Variants in ARHGEF33 observed in about 807,000 individuals in gnomAD.
ARHGEF33 encodes the protein DH and coiled-coil domain-containing protein ENSP00000381780.
ARHGEF33 carries 72 observed loss-of-function variants against 101.9 expected under a neutral mutation model. The ratio of observed to expected loss-of-function variants is 0.71; its 90% confidence interval spans 0.58 to 0.86. ARHGEF33 has a LOEUF of 0.86. Ranked by LOEUF, ARHGEF33 falls within the 40% of genes least tolerant of loss-of-function variation. The pLI, the probability that ARHGEF33 is intolerant of heterozygous loss-of-function variation, is 0.00. For synonymous variants in ARHGEF33, 499 were observed against 442.5 expected, an observed-to-expected ratio of 1.13 and a Z score of -1.60; for missense variants, 1,169 against 1,111.3, an observed-to-expected ratio of 1.05 and a Z score of -0.74.
At chr2:38,915,959 G>A (rs567128266) in intron 2 of ARHGEF33, among the ~76,000 whole-genome samples, 6 of 152,226 alleles carry the variant, frequency 3.9e-5, no homozygotes, top group East Asian at 1.9e-4. Flanking sequence ...CTAAGAGTTC[G>A]AGGTTACATT....
At chr2:38,926,600 C>T (rs1487840499) in intron 4 of ARHGEF33, among the ~76,000 whole-genome samples, 1 of 152,086 alleles carries the variant, frequency 6.6e-6, no homozygotes, top group African/African-American at 2.4e-5. Flanking sequence ...AGGAAATGGG[C>T]ACATGACTCA....
chr2:38,945,548 T>C (rs891987134), intron 10 of ARHGEF33, among the ~76,000 whole-genome samples: 1 of 152,248 alleles, frequency 6.6e-6, no homozygotes, highest in Non-Finnish European at 1.5e-5. Context: ...TCCCCCTCCT[T>C]GACCCTCCCA....
At chr2:38,912,617 G>A (rs1384133446) in intron 2 of ARHGEF33, among the ~76,000 whole-genome samples, 4 of 152,112 alleles carry the variant, frequency 2.6e-5, no homozygotes, top group Non-Finnish European at 4.4e-5. Context: ...AGTAAAAAAT[G>A]AAAATTACCC....
At chr2:38,927,822 G>A (rs1339161008) in intron 4 of ARHGEF33, among the ~76,000 whole-genome samples, 1 of 152,202 alleles carries the variant, frequency 6.6e-6, no homozygotes. Flanking sequence ...GATCATAAAT[G>A]TCAAGAAAGT....
At chr2:38,973,542 A>G (rs143571511) in intron 17 of ARHGEF33, among the ~76,000 whole-genome samples, 172 bp from the exon 18 acceptor site, 6 of 152,334 alleles carry the variant, frequency 3.9e-5, no homozygotes, top group African/African-American at 1.2e-4. Context: ...TTTATGTTCA[A>G]TGCAAATCTT....
chr2:38,962,142 C>G (rs1028435702), intron 16 of ARHGEF33, among the ~76,000 whole-genome samples: 2 of 152,270 alleles, frequency 1.3e-5, no homozygotes, highest in East Asian at 3.9e-4. Flanking sequence ...TGATTTTCAA[C>G]CCCAAGCTTT....
chr2:38,892,454 A>T (rs1666027585), intron 1 of ARHGEF33, among the ~76,000 whole-genome samples: 1 of 152,182 alleles, frequency 6.6e-6, no homozygotes, highest in South Asian at 2.1e-4. Context: ...CCTAACTGAC[A>T]TCTGCTAAGT....
intron 2 of ARHGEF33, among the ~76,000 whole-genome samples, chr2:38,914,109 G>T (rs939059730): frequency 6.6e-5 from 10 of 152,184 alleles, no homozygotes; most frequent in African/African-American, 2.4e-4. Context: ...TCCACTATTG[G>T]CTGGAATGCA....
intron 10 of ARHGEF33, among the ~76,000 whole-genome samples, chr2:38,944,757 G>A (rs943792591): frequency 3.3e-5 from 5 of 152,168 alleles, no homozygotes; most frequent in African/African-American, 1.2e-4. Context: ...ACAAGAGAAT[G>A]AATGTGTGGC....
At chr2:38,960,786 G>T in intron 16 of ARHGEF33, 138 bp downstream of exon 16, 1 of 712,296 alleles carries the variant, frequency 1.4e-6, no homozygotes, top group Middle Eastern at 3.2e-4. Context: ...CCGTCGGCGG[G>T]TGGAGGCGGA....
At chr2:38,912,784 A>G (rs993827409) in intron 2 of ARHGEF33, among the ~76,000 whole-genome samples, 1 of 152,322 alleles carries the variant, frequency 6.6e-6, no homozygotes, top group East Asian at 1.9e-4. Context: ...CCGAATTACA[A>G]TTCTGGCTCT....
At chr2:38,917,967 C>T (rs575654613) in intron 2 of ARHGEF33, among the ~76,000 whole-genome samples, 5 of 152,150 alleles carry the variant, frequency 3.3e-5, no homozygotes, top group South Asian at 4.1e-4. Flanking sequence ...TTTAAACTTG[C>T]GTTTTCTTAA....
At chr2:38,920,604 C>T (rs1666735197) in intron 3 of ARHGEF33, among the ~76,000 whole-genome samples, 2 of 151,880 alleles carry the variant, frequency 1.3e-5, no homozygotes, top group Non-Finnish European at 2.9e-5. Flanking sequence ...GACAGGGTTT[C>T]ACCATGTTGG....
intron 2 of ARHGEF33, among the ~76,000 whole-genome samples, chr2:38,902,660 G>T (rs1420199987): frequency 6.6e-6 from 1 of 152,056 alleles, no homozygotes; most frequent in African/African-American, 2.4e-5. Flanking sequence ...CTATGAGATT[G>T]GTTTATTCAT....
intron 5 of ARHGEF33, 95 bp downstream of exon 5, chr2:38,929,166 C>G: frequency 1.1e-6 from 1 of 930,090 alleles, no homozygotes; most frequent in Admixed American, 2.6e-5. Flanking sequence ...CGTGGTGGCT[C>G]ACGCCTGTAA....
chr2:38,943,784 G>T, intron 9 of ARHGEF33, 117 bp from the exon 10 acceptor site: 1 of 1,051,650 alleles, frequency 9.5e-7, no homozygotes, highest in Non-Finnish European at 1.3e-6. Flanking sequence ...TCAAAAACTT[G>T]CAGATGGTTT....
chr2:38,919,854 A>G (rs545617020), intron 3 of ARHGEF33, among the ~76,000 whole-genome samples: 1 of 152,314 alleles, frequency 6.6e-6, no homozygotes, highest in Admixed American at 6.5e-5. Flanking sequence ...ATCATCTCCA[A>G]TTTACGGAAG....
intron 2 of ARHGEF33, among the ~76,000 whole-genome samples, chr2:38,910,277 GA>G (rs561944433): frequency 1.0e-3 from 159 of 152,268 alleles, no homozygotes; most frequent in Middle Eastern, 0.01. Context: ...TTAGCTTTTA[GA>G]AATTATTGGC....
chr2:38,951,240 T>C, intron 11 of ARHGEF33, 119 bp downstream of exon 11: 1 of 940,742 alleles, frequency 1.1e-6, no homozygotes, highest in Non-Finnish European at 1.6e-6. Flanking sequence ...CACTGAGATC[T>C]AGTCTAACTT....
Sources: gnomAD v4.1 joint callset for allele counts (sites outside exome capture counted in the v4.1 genomes callset) on GRCh38, gnomAD v4.1.1 for gene constraint, MANE v1.5 for transcripts, NCBI Gene and HGNC (gene_info 2026-07-23, HGNC 2026-07-21) for gene names.